The following CNTNAP2 variants were observed in gnomAD, a reference collection of about 807,000 sequenced individuals.
The protein encoded by CNTNAP2 is contactin associated protein 2, also known as contactin-associated protein-like 2.
In CNTNAP2, 98 loss-of-function variants were observed where a neutral mutation model predicts 155.2. The observed-to-expected ratio is 0.63, with a 90% CI of 0.54 to 0.75. The LOEUF is 0.75. CNTNAP2 is among the 30% of genes least tolerant of loss of function. The pLI is 0.00. For synonymous variants in CNTNAP2, 651 were observed against 631.2 expected (o/e 1.03, Z -0.47); for missense variants, 1,727 against 1,688.1 (o/e 1.02, Z -0.40).
At chr7:146,527,337 G>GT (rs772728503) in intron 1 of CNTNAP2, among the ~76,000 whole-genome samples, 1 of 152,082 alleles carries the variant, frequency 6.6e-6, no homozygotes, top group Non-Finnish European at 1.5e-5. Flanking sequence ...CAAAAACAGT[G>GT]TTTTTTATTT....
chr7:147,246,263 A>G (rs1184702410), intron 8 of CNTNAP2, among the ~76,000 whole-genome samples: 3 of 152,046 alleles, frequency 2.0e-5, no homozygotes, highest in Non-Finnish European at 2.9e-5. Context: ...TTGTCTGCTC[A>G]CTAAATATCC....
chr7:146,668,671 A>G (rs1800243466), intron 1 of CNTNAP2, among the ~76,000 whole-genome samples: 1 of 152,024 alleles, frequency 6.6e-6, no homozygotes, highest in Non-Finnish European at 1.5e-5. Flanking sequence ...TGATTCAATC[A>G]TGTTACTTAT....
intron 1 of CNTNAP2, among the ~76,000 whole-genome samples, chr7:146,768,327 C>T (rs1279490550): frequency 6.6e-6 from 1 of 151,648 alleles, no homozygotes; most frequent in African/African-American, 2.4e-5. Context: ...TGTCTTCCCC[C>T]GATGTCCATT....
chr7:146,790,677 C>T (rs1211050262), intron 2 of CNTNAP2, among the ~76,000 whole-genome samples: 1 of 151,410 alleles, frequency 6.6e-6, no homozygotes, highest in Non-Finnish European at 1.5e-5. Flanking sequence ...TCACGCCATT[C>T]TCCTGCCTCA....
At chr7:147,169,041 A>C (rs2116471807) in intron 8 of CNTNAP2, among the ~76,000 whole-genome samples, 1 of 152,192 alleles carries the variant, frequency 6.6e-6, no homozygotes, top group South Asian at 2.1e-4. Context: ...CTTTCAAATA[A>C]CTCCACTAAA....
intron 1 of CNTNAP2, among the ~76,000 whole-genome samples, chr7:146,549,358 A>T (rs1243303181): frequency 1.3e-5 from 2 of 152,052 alleles, no homozygotes; most frequent in Non-Finnish European, 2.9e-5. Flanking sequence ...TTATTTGTTT[A>T]TATTGAATCA....
At chr7:148,397,181 C>T (rs988456916) in intron 22 of CNTNAP2, among the ~76,000 whole-genome samples, 3 of 152,194 alleles carry the variant, frequency 2.0e-5, no homozygotes, top group Admixed American at 2.0e-4. Context: ...TATTCATTCC[C>T]TCAGCAAACA....
chr7:146,159,782 A>G (rs1312289084), intron 1 of CNTNAP2, among the ~76,000 whole-genome samples: 1 of 152,176 alleles, frequency 6.6e-6, no homozygotes, highest in East Asian at 1.9e-4. Context: ...CTCCCACACA[A>G]TAATTATGGG....
intron 11 of CNTNAP2, among the ~76,000 whole-genome samples, chr7:147,512,721 T>A (rs2116692372): frequency 6.6e-6 from 1 of 152,294 alleles, no homozygotes; most frequent in African/African-American, 2.4e-5. Context: ...AAAACTCAAA[T>A]ATGCGTGGCT....
intron 1 of CNTNAP2, among the ~76,000 whole-genome samples, chr7:146,391,938 A>T (rs1795550446): frequency 6.6e-6 from 1 of 152,172 alleles, no homozygotes; most frequent in South Asian, 2.1e-4. Context: ...AAACCCCATG[A>T]AACAAGTTTA....
intron 15 of CNTNAP2, among the ~76,000 whole-genome samples, chr7:148,082,316 C>T (rs531241594): frequency 1.3e-5 from 2 of 152,264 alleles, no homozygotes; most frequent in East Asian, 3.9e-4. Context: ...TGAAGGGCAT[C>T]CAGTGAACAC....
Position 147,405,103 on chromosome 7 carries a change from A to G in CNTNAP2, c.1670+9323A>G, listed in dbSNP as rs191999918. 2.0e-5 allele frequency among the ~76,000 whole-genome samples: 3 copies of G among 152,316 alleles called. No homozygotes were observed. The East Asian group carries it at 5.8e-4, about 29-fold the overall frequency. On this transcript the variant is annotated intron_variant, in intron 10 of 23. Transcript: ENST00000361727. The stretch of plus-strand genomic sequence containing the variant: ...GCTGTGCTTTGACATTTAAATCCCA[A>G]GGAAGGCTTAGTGCATTAAAGTAAT...
rs777493334 is a variant in CNTNAP2 at position 146,774,386 on chromosome 7, G to A, written c.208+5G>A. 5.0e-6 allele frequency: 8 copies of A among 1,597,394 alleles called. No homozygotes were observed. The highest frequency in any genetic ancestry group is 6.0e-6 in the Non-Finnish European group (7 of 1,165,506). ...CCAAGATAAACAAGAGAGGAGGTAA[G>A]CCAAATTTTGATTCTTTTATCAATA... On this transcript the variant is annotated splice_donor_5th_base_variant and intron_variant, in intron 2 of 23. Coordinates refer to ENST00000361727, the MANE Select transcript of CNTNAP2 (RefSeq NM_014141.6).
At chr7:146,529,602 T>A (rs1232311701) in intron 1 of CNTNAP2, among the ~76,000 whole-genome samples, 1 of 152,056 alleles carries the variant, frequency 6.6e-6, no homozygotes. Flanking sequence ...CTTTTAGTGG[T>A]AATGGTTTAG....
chr7:146,198,291 A>G (rs1562986785), intron 1 of CNTNAP2, among the ~76,000 whole-genome samples: 1 of 152,344 alleles, frequency 6.6e-6, no homozygotes, highest in East Asian at 1.9e-4. Flanking sequence ...ACTTTTCCCT[A>G]AAATGTCAAT....
At chr7:148,230,898 C>T (rs1795949645) in intron 20 of CNTNAP2, among the ~76,000 whole-genome samples, 1 of 152,150 alleles carries the variant, frequency 6.6e-6, no homozygotes, top group Non-Finnish European at 1.5e-5. Flanking sequence ...ATGGAGTAAA[C>T]CAAGCCCATC....
intron 8 of CNTNAP2, among the ~76,000 whole-genome samples, chr7:147,222,214 C>T (rs1470408996): frequency 1.3e-5 from 2 of 151,650 alleles, no homozygotes; most frequent in African/African-American, 4.8e-5. Context: ...TTCTTGTATT[C>T]CTATTACACT....
intron 1 of CNTNAP2, among the ~76,000 whole-genome samples, chr7:146,335,196 T>C (rs1406203934): frequency 2.0e-5 from 3 of 152,218 alleles, no homozygotes; most frequent in Non-Finnish European, 4.4e-5. Flanking sequence ...ACCTATATGT[T>C]GAGAGTTTTC....
intron 18 of CNTNAP2, among the ~76,000 whole-genome samples, chr7:148,180,119 C>T (rs1448176623): frequency 1.3e-5 from 2 of 152,202 alleles, no homozygotes; most frequent in Non-Finnish European, 2.9e-5. Context: ...GTGAAATCAG[C>T]TAAGCTGTTA....
Sources: allele counts gnomAD v4.1 joint callset (sites outside exome capture counted in the v4.1 genomes callset), GRCh38; gene constraint gnomAD v4.1.1; transcripts MANE v1.5; gene names NCBI Gene and HGNC (gene_info 2026-07-23, HGNC 2026-07-21).